MLLT3: variants seen among roughly 807,000 people sequenced by gnomAD.
MLLT3 encodes MLLT3 super elongation complex subunit, also known as protein AF-9.
A neutral mutation model predicts 53.2 loss-of-function variants in MLLT3; 4 were observed. The observed-to-expected ratio is 0.08, with a 90% CI of 0.04 to 0.17. The LOEUF (loss-of-function observed/expected upper bound fraction) is 0.17. MLLT3 is among the 10% of genes least tolerant of loss of function. The probability of loss-of-function intolerance (pLI) is 1.00; values close to 1 mark genes in which losing one functional copy is unlikely to be tolerated. For missense variants in MLLT3, 569 were observed against 684.0 expected (o/e 0.83, Z 1.87); for synonymous variants, 283 against 230.6 (o/e 1.23, Z -2.06).
chr9:20,379,122 A>G (rs988958586), intron 5 of MLLT3, among the ~76,000 whole-genome samples: 6 of 152,048 alleles, frequency 3.9e-5, no homozygotes, highest in African/African-American at 1.2e-4. Flanking sequence ...AAAGATGCCT[A>G]TTTGGGTAAC....
chr9:20,346,705 T>G, intron 10 of MLLT3, 131 bp from the exon 11 acceptor site: 1 of 811,778 alleles, frequency 1.2e-6, no homozygotes, highest in Non-Finnish European at 1.9e-6. Context: ...CAAGGTCCCA[T>G]ACCATGAATA....
At chr9:20,552,611 A>G (rs1818952313) in intron 2 of MLLT3, among the ~76,000 whole-genome samples, 1 of 152,154 alleles carries the variant, frequency 6.6e-6, no homozygotes, top group African/African-American at 2.4e-5. Flanking sequence ...GTGTGATAAT[A>G]AAGACGAGTT....
intron 4 of MLLT3, among the ~76,000 whole-genome samples, chr9:20,439,145 G>C (rs1392039385): frequency 1.3e-5 from 2 of 152,042 alleles, no homozygotes; most frequent in African/African-American, 4.8e-5. Flanking sequence ...TTTGAGGTCA[G>C]GAGTTCAAGA....
At chr9:20,501,729 G>A (rs986435215) in intron 2 of MLLT3, among the ~76,000 whole-genome samples, 1 of 137,370 alleles carries the variant, frequency 7.3e-6, no homozygotes, top group African/African-American at 2.8e-5. Context: ...CCGCAGTCCG[G>A]CCTGGGCGAC....
At chr9:20,483,737 T>C (rs1824730151) in intron 2 of MLLT3, among the ~76,000 whole-genome samples, 1 of 125,998 alleles carries the variant, frequency 7.9e-6, no homozygotes, top group African/African-American at 3.1e-5. Context: ...AGATGGAGTA[T>C]CGCTCTGTCA....
At chr9:20,366,945 A>G (rs990803522) in intron 5 of MLLT3, among the ~76,000 whole-genome samples, 2 of 152,226 alleles carry the variant, frequency 1.3e-5, no homozygotes, top group Non-Finnish European at 2.9e-5. Flanking sequence ...GGCTAAGGTC[A>G]TTAGTTCAAT....
intron 2 of MLLT3, among the ~76,000 whole-genome samples, chr9:20,540,820 C>G (rs1818611239): frequency 6.6e-6 from 1 of 152,228 alleles, no homozygotes; most frequent in South Asian, 2.1e-4. Flanking sequence ...AATTCCTCCC[C>G]AGAAAATGGG....
chr9:20,451,914 G>C (rs948490273), intron 3 of MLLT3, among the ~76,000 whole-genome samples: 1 of 152,088 alleles, frequency 6.6e-6, no homozygotes, highest in Admixed American at 6.6e-5. Flanking sequence ...GGGTTGTTTT[G>C]TTGAGCACAA....
intron 2 of MLLT3, among the ~76,000 whole-genome samples, chr9:20,523,804 AC>A (rs1818127327): frequency 1.3e-5 from 2 of 152,202 alleles, no homozygotes; most frequent in Middle Eastern, 6.8e-3. Flanking sequence ...CCCCATCTCT[AC>A]AAAAAAAATA....
intron 2 of MLLT3, among the ~76,000 whole-genome samples, chr9:20,485,863 T>C (rs1824799754): frequency 6.6e-6 from 1 of 152,224 alleles, no homozygotes; most frequent in African/African-American, 2.4e-5. Context: ...GTGAAATTTT[T>C]ACACTTTGAA....
At position 20,343,947 on chromosome 9, in the gene MLLT3, T is replaced by C. The variant is rs1820802759; in HGVS notation, c.*2496A>G. 9.8e-6 allele frequency: 2 copies of C among 203,832 alleles called. No homozygotes were observed. The highest frequency in any genetic ancestry group is 2.0e-5 in the Non-Finnish European group (2 of 99,558). The allele number at this position is 203,832 out of a possible 1,614,324, so 12.6% of individuals were successfully genotyped here. On this transcript the variant is annotated 3_prime_UTR_variant, in exon 11 of 11. Transcript: ENST00000380338. ...TTTATTTCTGTATTTAAAAATTAGA[T>C]GAGAGCAAGATTACCACTTCAAAAA...
chr9:20,515,496 T>C (rs961933030), intron 2 of MLLT3, among the ~76,000 whole-genome samples: 2 of 152,182 alleles, frequency 1.3e-5, no homozygotes, highest in African/African-American at 4.8e-5. Context: ...ATCTGACTGA[T>C]AGGAGAAAAT....
chr9:20,475,732 A>G (rs1262509350), intron 2 of MLLT3, among the ~76,000 whole-genome samples: 2 of 152,144 alleles, frequency 1.3e-5, no homozygotes, highest in Non-Finnish European at 2.9e-5. Flanking sequence ...CTTCCATTAC[A>G]CTGATTTACA....
intron 2 of MLLT3, among the ~76,000 whole-genome samples, chr9:20,516,414 T>C (rs1817921309): frequency 1.3e-5 from 2 of 152,212 alleles, no homozygotes; most frequent in African/African-American, 4.8e-5. Flanking sequence ...TCTACAGTCT[T>C]ACTACTCTCA....
intron 2 of MLLT3, among the ~76,000 whole-genome samples, chr9:20,561,953 G>C (rs1446651344): frequency 1.3e-5 from 2 of 151,950 alleles, no homozygotes; most frequent in South Asian, 4.2e-4. Flanking sequence ...TGAGGGGTGG[G>C]GGGGCAGAGA....
chr9:20,398,145 G>A (rs996325986), intron 5 of MLLT3, among the ~76,000 whole-genome samples: 2 of 151,910 alleles, frequency 1.3e-5, no homozygotes, highest in Non-Finnish European at 2.9e-5. Flanking sequence ...CACTCAGGCT[G>A]GAGTGCAGTG....
intron 4 of MLLT3, chr9:20,418,352 G>C (rs570965761): frequency 6.6e-6 from 1 of 152,336 alleles, no homozygotes; most frequent in Admixed American, 6.5e-5. Context: ...CATAGCCAAT[G>C]AGGTTTATGC....
chr9:20,612,275 T>G (rs1207464033), intron 2 of MLLT3, among the ~76,000 whole-genome samples: 2 of 152,156 alleles, frequency 1.3e-5, no homozygotes, highest in Non-Finnish European at 2.9e-5. Flanking sequence ...TAATCGAAGA[T>G]GAAGAATCTC....
intron 3 of MLLT3, among the ~76,000 whole-genome samples, chr9:20,453,795 T>G (rs894785422): frequency 1.3e-5 from 2 of 152,226 alleles, no homozygotes; most frequent in Non-Finnish European, 2.9e-5. Flanking sequence ...TTTACTCATG[T>G]TGCCACATTA....
Sources: allele counts gnomAD v4.1 joint callset (sites outside exome capture counted in the v4.1 genomes callset), GRCh38; gene constraint gnomAD v4.1.1; transcripts MANE v1.5; gene names NCBI Gene and HGNC (gene_info 2026-07-23, HGNC 2026-07-21).